The following SAMD12 variants were observed in gnomAD, a reference collection of about 807,000 sequenced individuals.
SAMD12 encodes the protein sterile alpha motif domain containing 12, also known as sterile alpha motif domain-containing protein 12.
A neutral mutation model predicts 15.0 loss-of-function variants in SAMD12; 9 were observed. The observed-to-expected ratio is 0.60, with a 90% CI of 0.36 to 1.05. The LOEUF (loss-of-function observed/expected upper bound fraction) is 1.05. SAMD12 is among the 50% of genes least tolerant of loss of function. SAMD12 has a pLI of 0.01. For missense variants in SAMD12, 230 were observed against 234.2 expected (o/e 0.98, Z 0.12); for synonymous variants, 86 against 90.1 (o/e 0.96, Z 0.25).
chr8:118,548,640 G>A (rs1032559857), intron 2 of SAMD12, among the ~76,000 whole-genome samples: 19 of 152,330 alleles, frequency 1.2e-4, no homozygotes, highest in African/African-American at 2.9e-4. Context: ...CTGAGGTACC[G>A]GGTTCATCTC....
chr8:118,207,850 C>A (rs1033169366), intron 4 of SAMD12, among the ~76,000 whole-genome samples: 3 of 151,986 alleles, frequency 2.0e-5, no homozygotes, highest in African/African-American at 7.3e-5. Flanking sequence ...TTTTAAAAAT[C>A]TCCAGATCCT....
intron 2 of SAMD12, among the ~76,000 whole-genome samples, chr8:118,451,554 C>T (rs554316404): frequency 3.9e-5 from 6 of 152,128 alleles, no homozygotes; most frequent in African/African-American, 1.4e-4. Flanking sequence ...AAGATCAAAT[C>T]AAATAATCAA....
chr8:118,371,894 A>G (rs929301616), intron 4 of SAMD12, among the ~76,000 whole-genome samples: 2 of 152,182 alleles, frequency 1.3e-5, no homozygotes, highest in Non-Finnish European at 2.9e-5. Flanking sequence ...CAGTTTGCCA[A>G]CAGCCTGAGA....
chr8:118,487,897 C>T (rs761359962), intron 2 of SAMD12, among the ~76,000 whole-genome samples: 4 of 152,170 alleles, frequency 2.6e-5, no homozygotes, highest in Non-Finnish European at 4.4e-5. Flanking sequence ...CTATGATTTT[C>T]AATTCCTGCA....
chr8:118,258,840 C>G (rs916564576), intron 4 of SAMD12, among the ~76,000 whole-genome samples: 1 of 152,032 alleles, frequency 6.6e-6, no homozygotes, highest in Admixed American at 6.6e-5. Context: ...CTGGCAGAAG[C>G]CTCTAAGAGG....
At chr8:118,495,323 T>C (rs1281122449) in intron 2 of SAMD12, among the ~76,000 whole-genome samples, 6 of 152,104 alleles carry the variant, frequency 3.9e-5, no homozygotes, top group Non-Finnish European at 7.4e-5. Flanking sequence ...TTCCAAAGCT[T>C]TGGGGAAGTA....
At chr8:118,516,070 A>G (rs1825237137) in intron 2 of SAMD12, among the ~76,000 whole-genome samples, 1 of 152,192 alleles carries the variant, frequency 6.6e-6, no homozygotes, top group African/African-American at 2.4e-5. Context: ...CCCCATTCTC[A>G]CTGGGGCCTG....
At chr8:118,338,022 G>C (rs1212071261) in intron 4 of SAMD12, among the ~76,000 whole-genome samples, 1 of 152,208 alleles carries the variant, frequency 6.6e-6, no homozygotes, top group Non-Finnish European at 1.5e-5. Flanking sequence ...ATCCCCTACA[G>C]ATAAGGGGAG....
chr8:118,473,110 CG>C, intron 2 of SAMD12, among the ~76,000 whole-genome samples: 1 of 152,222 alleles, frequency 6.6e-6, no homozygotes, highest in Non-Finnish European at 1.5e-5. Context: ...CAAGGTATGT[CG>C]CTCCCTGCCT....
chr8:118,266,081 C>T (rs760233500), intron 4 of SAMD12, among the ~76,000 whole-genome samples: 3 of 152,030 alleles, frequency 2.0e-5, no homozygotes, highest in African/African-American at 7.2e-5. Context: ...AGAGGCATGT[C>T]TTATATGGTG....
chr8:118,240,685 G>A (rs1018264728), intron 4 of SAMD12, among the ~76,000 whole-genome samples: 1 of 152,088 alleles, frequency 6.6e-6, no homozygotes, highest in Non-Finnish European at 1.5e-5. Flanking sequence ...GAGCTCATTT[G>A]GCAAATATTT....
rs1822844666 is a variant in SAMD12, at chr8:118,444,372, AAG to A, written c.193-4413_193-4412del. On this transcript the variant is annotated intron_variant, in intron 2 of 3. Coordinates refer to ENST00000314727, the MANE Select transcript of SAMD12 (RefSeq NM_207506.3). ...CTTAACCCCTATGCATAGTGACACC[AAG>A]CAGAATTCCAGACATTTCCTTTCTG... Among the ~76,000 whole-genome samples, 3 of 152,230 alleles carry A rather than the reference AAG, an allele frequency of 2.0e-5. No homozygotes were observed. In the South Asian group the frequency reaches 6.2e-4, roughly 32 times the overall value.
chr8:118,254,840 T>C (rs541357367), intron 4 of SAMD12, among the ~76,000 whole-genome samples: 38 of 152,152 alleles, frequency 2.5e-4, no homozygotes, highest in African/African-American at 8.4e-4. Flanking sequence ...CTCTCCCACA[T>C]TGATTTCACC....
chr8:118,301,204 G>C (rs1011607301), intron 4 of SAMD12, among the ~76,000 whole-genome samples: 1 of 152,132 alleles, frequency 6.6e-6, no homozygotes, highest in Non-Finnish European at 1.5e-5. Context: ...AGCAAAAGGT[G>C]GTGGGGTCAC....
intron 3 of SAMD12, among the ~76,000 whole-genome samples, chr8:118,429,825 C>T (rs1160967849): frequency 2.6e-5 from 4 of 152,010 alleles, no homozygotes; most frequent in Admixed American, 6.5e-5. Flanking sequence ...ACCTGGGAGG[C>T]GGAGGTTGCA....
At chr8:118,408,098 A>G (rs927247274) in intron 3 of SAMD12, among the ~76,000 whole-genome samples, 2 of 152,072 alleles carry the variant, frequency 1.3e-5, no homozygotes, top group African/African-American at 4.8e-5. Flanking sequence ...TCTTTACCCA[A>G]GTTTATACAC....
chr8:118,468,215 C>T (rs1310426601), intron 2 of SAMD12, among the ~76,000 whole-genome samples: 1 of 152,162 alleles, frequency 6.6e-6, no homozygotes, highest in Non-Finnish European at 1.5e-5. Context: ...GGTGGAAAAA[C>T]AGCTGTGGCA....
chr8:118,151,300 G>A, the SAMD12 span, among the ~76,000 whole-genome samples: 1 of 151,888 alleles, frequency 6.6e-6, no homozygotes, highest in Admixed American at 6.6e-5. Context: ...TGAGCTTCTT[G>A]GGTGTGTAAG....
At chr8:118,279,950 T>G (rs1456199194) in intron 4 of SAMD12, among the ~76,000 whole-genome samples, 1 of 152,206 alleles carries the variant, frequency 6.6e-6, no homozygotes, top group Admixed American at 6.5e-5. Flanking sequence ...ATGCCCTATG[T>G]TGGCAAGTTT....
Sources: allele counts gnomAD v4.1 joint callset (sites outside exome capture counted in the v4.1 genomes callset), GRCh38; gene constraint gnomAD v4.1.1; transcripts MANE v1.5; gene names NCBI Gene and HGNC (gene_info 2026-07-23, HGNC 2026-07-21).